The following AKR1E2 variants were observed in gnomAD, a reference collection of about 807,000 sequenced individuals.
The protein encoded by AKR1E2 is aldo-keto reductase family 1 member E2.
AKR1E2 carries 43 observed loss-of-function variants against 41.9 expected under a neutral mutation model. The ratio of observed to expected loss-of-function variants is 1.03; its 90% CI spans 0.80 to 1.32. The LOEUF is 1.32. Among genes scored for constraint, AKR1E2 ranks in the 40% most tolerant of loss-of-function variants. The pLI, the probability that AKR1E2 is intolerant of heterozygous loss-of-function variation, is 0.00. For synonymous variants in AKR1E2, 121 were observed against 138.9 expected (o/e 0.87, Z 0.91); for missense variants, 423 against 396.5 (o/e 1.07, Z -0.57).
At chr10:4,858,740 A>T in the AKR1E2 span, among the ~76,000 whole-genome samples, 1 of 152,124 alleles carries the variant, frequency 6.6e-6, no homozygotes, top group Non-Finnish European at 1.5e-5. Context: ...AGAGACTAGA[A>T]TGCATGGAGA....
chr10:4,834,125 C>T lies in AKR1E2; in HGVS notation c.324+659C>T, dbSNP rs1319498118. On this transcript the variant is annotated intron_variant, in intron 3 of 9. Transcript: ENST00000298375. Reference sequence around the variant, plus strand: ...TGCCCTGGGCTGTGATGACAGCCTGCCTGGGCAAGGGCCTGATCACACAGT... The same window carrying T: ...TGCCCTGGGCTGTGATGACAGCCTGTCTGGGCAAGGGCCTGATCACACAGT... Among the ~76,000 whole-genome samples, 5 of 152,184 alleles carry T rather than the reference C, an allele frequency of 3.3e-5. 1 individual carries two copies. The South Asian group carries it at 1.0e-3, about 31-fold the overall frequency.
chr10:4,827,226 G>A (rs1007974265), intron 1 of AKR1E2, among the ~76,000 whole-genome samples: 9 of 152,126 alleles, frequency 5.9e-5, no homozygotes, highest in Non-Finnish European at 1.3e-4. Flanking sequence ...GGGGTGCAGC[G>A]TAATGTTTTG....
rs1318741830 is a variant in AKR1E2 at position 4,847,129 on chromosome 10, C to CA, written c.838-18dup. ...TGAATTAAACTAAGTTTTCTACAAA[C>CA]ATTGTGTTTTGGTTCCAGGTGTTTG... On this transcript the variant is annotated intron_variant, in intron 8 of 9. Coordinates refer to ENST00000298375, the MANE Select transcript of AKR1E2 (RefSeq NM_001040177.3). 4 of 1,613,564 alleles carry CA rather than the reference C, an allele frequency of 2.5e-6. No individual in the cohort carries two copies. The highest frequency in any genetic ancestry group is 3.4e-6 in the Non-Finnish European group (4 of 1,179,830).
At chr10:4,844,027 T>A (rs979239013) in intron 8 of AKR1E2, among the ~76,000 whole-genome samples, 4 of 152,246 alleles carry the variant, frequency 2.6e-5, no homozygotes, top group Non-Finnish European at 5.9e-5. Flanking sequence ...CTGACCGGCA[T>A]CTGCTCCACA....
chr10:4,846,953 C>T (rs923759541), intron 8 of AKR1E2, among the ~76,000 whole-genome samples, 195 bp from the exon 9 acceptor site: 1 of 152,172 alleles, frequency 6.6e-6, no homozygotes, highest in African/African-American at 2.4e-5. Flanking sequence ...AAGCCAACAC[C>T]AGTCACATGA....
At chr10:4,868,654 A>C in the AKR1E2 span, among the ~76,000 whole-genome samples, 2 of 152,236 alleles carry the variant, frequency 1.3e-5, no homozygotes, top group Middle Eastern at 3.2e-3. Flanking sequence ...AGGGACAAAG[A>C]ATTCAGCTTA....
At chr10:4,830,596 C>G (rs959087639) in intron 1 of AKR1E2, 79 bp from the exon 2 acceptor site, 2 of 1,536,618 alleles carry the variant, frequency 1.3e-6, no homozygotes, top group Non-Finnish European at 1.8e-6. Context: ...TTATGTTGTC[C>G]ACATGCTTGG....
chr10:4,867,400 G>A, the AKR1E2 span, among the ~76,000 whole-genome samples: 1 of 152,164 alleles, frequency 6.6e-6, no homozygotes, highest in African/African-American at 2.4e-5. Flanking sequence ...CCGTCACCAT[G>A]AGGGCCCTCC....
chr10:4,853,117 T>C, the AKR1E2 span, among the ~76,000 whole-genome samples: 1 of 152,214 alleles, frequency 6.6e-6, no homozygotes, highest in Non-Finnish European at 1.5e-5. Context: ...CCCTAAAAAC[T>C]ATTGTAGCAT....
the AKR1E2 span, among the ~76,000 whole-genome samples, chr10:4,863,328 A>G: frequency 6.6e-6 from 1 of 152,242 alleles, no homozygotes; most frequent in South Asian, 2.1e-4. Flanking sequence ...ACTCAACTAC[A>G]TGGAAACTGA....
In AKR1E2 at chr10:4,848,036, T is replaced by C. The variant is rs984347336; in HGVS notation, c.*506T>C. The C allele has an allele frequency of 6.6e-6, 1 of 152,384 alleles. No individual in the cohort carries two copies. Among genetic ancestry groups the C allele is most frequent in the Non-Finnish European group, 1.5e-5 (1 of 68,462 alleles). The allele number at this position is 152,384 out of a possible 1,614,324, so 9.4% of individuals were successfully genotyped here. ...AGTCTGGGACACTGTTTCAGTTCAA[T>C]AAAGAGGCTTTTTTCTTCCTTAAAA... On this transcript the variant is annotated 3_prime_UTR_variant, in exon 10 of 10. Transcript: ENST00000298375.
rs940883884 is a variant in AKR1E2 at position 4,845,017 on chromosome 10, G to C, written c.838-2131G>C. 6.6e-5 allele frequency among the ~76,000 whole-genome samples: 10 copies of C among 152,312 alleles called. No individual in the cohort carries two copies. The Middle Eastern group carries it at 0.014, about 207-fold the overall frequency. On this transcript the variant is annotated intron_variant, in intron 8 of 9. Transcript: ENST00000298375. The stretch of plus-strand genomic sequence containing the variant: ...TGCAGAGGAGCCCACGGAGGGTCAG[G>C]GGAGGCTCAGGCATGGCGGGCTGCA...
At chr10:4,837,333 C>T in intron 4 of AKR1E2, 126 bp from the exon 5 acceptor site, 2 of 1,349,594 alleles carry the variant, frequency 1.5e-6, no homozygotes, top group Non-Finnish European at 1.0e-6. Context: ...TTTGAAGCTT[C>T]AAGTAAAATA....
the AKR1E2 span, among the ~76,000 whole-genome samples, chr10:4,871,037 C>G: frequency 6.6e-6 from 1 of 152,030 alleles, no homozygotes; most frequent in Admixed American, 6.6e-5. Flanking sequence ...TCTTCCAGAT[C>G]AATAATTATC....
the AKR1E2 span, among the ~76,000 whole-genome samples, chr10:4,859,612 C>T: frequency 4.6e-5 from 7 of 152,328 alleles, no homozygotes; most frequent in East Asian, 1.3e-3. Context: ...GCCCGCACTT[C>T]TCATATTTCT....
chr10:4,833,746 G>A (rs948561511), intron 3 of AKR1E2, among the ~76,000 whole-genome samples: 2 of 152,126 alleles, frequency 1.3e-5, no homozygotes, highest in Admixed American at 6.5e-5. Context: ...TTTCCCTTAG[G>A]TTTTTAGGTG....
chr10:4,833,471 C>T lies in AKR1E2; in HGVS notation c.324+5C>T, dbSNP rs775080494. 3.4e-5 allele frequency: 55 copies of T among 1,609,546 alleles called. No individual in the cohort carries two copies. Among genetic ancestry groups the T allele is most frequent in the Middle Eastern group, 1.6e-4 (1 of 6,070 alleles). ...CACTGGCCCATGGGTTTCAAGGTAC[C>T]GTTCAGTAGGTAGTTCGTTCTGCAG... On this transcript the variant is annotated splice_donor_5th_base_variant and intron_variant, in intron 3 of 9. Coordinates refer to ENST00000298375, the MANE Select transcript of AKR1E2 (RefSeq NM_001040177.3).
the AKR1E2 span, among the ~76,000 whole-genome samples, chr10:4,853,208 G>A: frequency 2.6e-5 from 4 of 152,124 alleles, no homozygotes; most frequent in African/African-American, 4.8e-5. Flanking sequence ...TGTTTTATAT[G>A]TTTGCAAACT....
At chr10:4,851,365 C>A (rs1170548118), downstream of AKR1E2, among the ~76,000 whole-genome samples, 1 of 152,186 alleles carries the variant, frequency 6.6e-6, no homozygotes, top group East Asian at 1.9e-4. Flanking sequence ...CTGCTCTGGG[C>A]AGAGAGGGCT....
Sources: gnomAD v4.1 joint callset for allele counts (sites outside exome capture counted in the v4.1 genomes callset) on GRCh38, gnomAD v4.1.1 for gene constraint, MANE v1.5 for transcripts, NCBI Gene and HGNC (gene_info 2026-07-23, HGNC 2026-07-21) for gene names.